The following ZC3H4 variants were observed in gnomAD, a reference collection of about 807,000 sequenced individuals.
ZC3H4 encodes the protein zinc finger CCCH-type containing 4, also known as zinc finger CCCH domain-containing protein 4.
A neutral mutation model predicts 108.3 loss-of-function variants in ZC3H4; 13 were observed. The ratio of observed to expected loss-of-function variants is 0.12; its 90% CI spans 0.08 to 0.19. The LOEUF is 0.19. Among genes scored for constraint, ZC3H4 ranks in the 10% least tolerant of loss-of-function variants. ZC3H4 has a pLI of 1.00. For missense variants in ZC3H4, 1,734 were observed against 1,838.8 expected, an observed-to-expected ratio of 0.94 and a Z score of 1.04; for synonymous variants, 917 against 749.6, an observed-to-expected ratio of 1.22 and a Z score of -3.65.
chr19:47,096,621 G>C (rs770472430), intron 2 of ZC3H4, among the ~76,000 whole-genome samples: 1 of 152,264 alleles, frequency 6.6e-6, no homozygotes, highest in Non-Finnish European at 1.5e-5. Context: ...GAGACGGACA[G>C]ACTGAGCGGG....
intron 13 of ZC3H4, among the ~76,000 whole-genome samples, chr19:47,070,999 C>T (rs973114763): frequency 6.6e-5 from 10 of 152,346 alleles, no homozygotes; most frequent in African/African-American, 2.4e-4. Flanking sequence ...ACAGCGCCCC[C>T]ACCCGCTGCC....
intron 11 of ZC3H4, among the ~76,000 whole-genome samples, chr19:47,079,354 A>G (rs1401364172): frequency 6.6e-6 from 1 of 151,876 alleles, no homozygotes; most frequent in Non-Finnish European, 1.5e-5. Context: ...AAAGAAAAAA[A>G]AAGTAATTTC....
At chr19:47,092,640 A>C (rs2057754081) in intron 4 of ZC3H4, among the ~76,000 whole-genome samples, 1 of 151,738 alleles carries the variant, frequency 6.6e-6, no homozygotes, top group African/African-American at 2.4e-5. Context: ...AACATCGTGA[A>C]ACCCTGTCTC....
Position 47,083,348 on chromosome 19 carries a change from G to A in ZC3H4, c.1218+997C>T, listed in dbSNP as rs1000916912. Among the ~76,000 whole-genome samples, 9 of 151,080 alleles carry A rather than the reference G, an allele frequency of 6.0e-5. No homozygotes were observed. In the East Asian group the frequency reaches 1.8e-3, roughly 30 times the overall value. On this transcript the variant is annotated intron_variant, in intron 9 of 14. Coordinates refer to ENST00000253048, the MANE Select transcript of ZC3H4 (RefSeq NM_015168.2). ...AGAGAGAGAGAGAGAGAGAGATGGG[G>A]TCTATGTTGCCCAGGGTGTATTCAT...
rs546926737 is a variant in ZC3H4, at chr19:47,064,603, C to A, written c.*1753G>T. The A allele has an allele frequency of 4.0e-5, 6 of 151,404 alleles. No homozygotes were observed. The highest frequency in any genetic ancestry group is 7.4e-5 in the Non-Finnish European group (5 of 67,898). The allele number at this position is 151,404 out of a possible 1,614,324, so 9.4% of individuals were successfully genotyped here. A position where few individuals can be genotyped will look rare whatever the true frequency, so the allele number is the denominator to read the frequency against. ...CTCAAAAGGAGAGGAAAAACAACAACAAAAACCACAACACTGCCACACTGT... is the reference window on the plus strand; with the variant it reads ...CTCAAAAGGAGAGGAAAAACAACAAAAAAAACCACAACACTGCCACACTGT... On this transcript the variant is annotated 3_prime_UTR_variant, in exon 15 of 15. Coordinates refer to ENST00000253048, the MANE Select transcript of ZC3H4 (RefSeq NM_015168.2).
At chr19:47,108,066 G>T (rs1568570407) in intron 2 of ZC3H4, among the ~76,000 whole-genome samples, 1 of 152,160 alleles carries the variant, frequency 6.6e-6, no homozygotes, top group Non-Finnish European at 1.5e-5. Flanking sequence ...TCGGAGAGGA[G>T]TCCCTCCACC....
Position 47,093,979 on chromosome 19 carries a change from T to C in ZC3H4, c.483A>G (p.Pro161=). 6.2e-7 allele frequency: 1 copy of C among 1,613,166 alleles called. No homozygotes were observed. Among genetic ancestry groups the C allele is most frequent in the South Asian group, 1.1e-5 (1 of 91,056 alleles). The change falls in exon 4 of 15, where the codon CCA becomes CCG. Residue 161 remains proline (P), a synonymous_variant. Coordinates refer to ENST00000253048, the MANE Select transcript of ZC3H4 (RefSeq NM_015168.2). The stretch of plus-strand genomic sequence containing the variant: ...CATGCCAGTCACTCACCGGCGCATA[T>C]GGGGGGCTGTACTCTCTGTACTTGC... The part of the protein sequence containing the change: ...GHRKYREYSP[P]YAPSHQQYPP...
rs201900826 is a variant in ZC3H4 at position 47,072,011 on chromosome 19, G to A, written c.1913C>T (p.Pro638Leu). Residue 638 changes from proline to leucine, a missense_variant, in exon 13 of 15, where the codon CCG (proline) becomes CTG (leucine). Coordinates refer to ENST00000253048, the MANE Select transcript of ZC3H4 (RefSeq NM_015168.2). The surrounding 1 kb of genome is among the most constrained non-coding windows in gnomAD (Gnocchi z 5.6). Reference sequence around the variant, plus strand: ...TGCGTGCATGTCAGGGTGCATGTCCGGGTGCATGTCGGGGTGCATGTCAGG... The same window carrying A: ...TGCGTGCATGTCAGGGTGCATGTCCAGGTGCATGTCGGGGTGCATGTCAGG... ...MHPDMHPDMH[P>L]DMHPDMHADM... 3.8e-5 allele frequency: 60 copies of A among 1,593,734 alleles called. No individual in the cohort carries two copies. Among genetic ancestry groups the A allele is most frequent in the Middle Eastern group, 1.7e-4 (1 of 6,052 alleles).
At chr19:47,085,264 C>T in intron 7 of ZC3H4, 54 bp downstream of exon 7, 1 of 1,562,256 alleles carries the variant, frequency 6.4e-7, no homozygotes, top group Non-Finnish European at 8.7e-7. Context: ...TAGATTCCAG[C>T]AGCTGCTGGA....
chr19:47,108,861 C>A (rs1163103149), intron 2 of ZC3H4, among the ~76,000 whole-genome samples: 1 of 151,904 alleles, frequency 6.6e-6, no homozygotes, highest in African/African-American at 2.4e-5. Flanking sequence ...GCATTTTTTT[C>A]TTTTAAAGAG....
intron 2 of ZC3H4, among the ~76,000 whole-genome samples, chr19:47,111,499 G>A (rs1022181319): frequency 6.6e-6 from 1 of 152,072 alleles, no homozygotes; most frequent in Non-Finnish European, 1.5e-5. Flanking sequence ...GAGAAAGCGC[G>A]GGACCAACTT....
At chr19:47,080,977 T>G (rs965703657) in intron 11 of ZC3H4, among the ~76,000 whole-genome samples, 1 of 152,132 alleles carries the variant, frequency 6.6e-6, no homozygotes. Context: ...TTTGCCATGT[T>G]GCCCTAAGTA....
At chr19:47,110,932 T>C in intron 2 of ZC3H4, 1 of 985,238 alleles carries the variant, frequency 1.0e-6, no homozygotes, top group Non-Finnish European at 1.2e-6. Context: ...GTGGGTGGCA[T>C]TTCTTTTAAA....
At chr19:47,069,839 C>G (rs930834352) in intron 13 of ZC3H4, among the ~76,000 whole-genome samples, 4 of 152,188 alleles carry the variant, frequency 2.6e-5, no homozygotes, top group Non-Finnish European at 5.9e-5. Context: ...TGAAACGGGT[C>G]AAGTGCTGCT....
chr19:47,084,042 C>T (rs1239745447), intron 9 of ZC3H4, among the ~76,000 whole-genome samples: 2 of 152,162 alleles, frequency 1.3e-5, no homozygotes, highest in African/African-American at 4.8e-5. Context: ...TATGCTGCTG[C>T]TTTGCATTCA....
intron 11 of ZC3H4, among the ~76,000 whole-genome samples, chr19:47,080,007 T>C (rs2057493225): frequency 6.6e-6 from 1 of 152,052 alleles, no homozygotes; most frequent in Non-Finnish European, 1.5e-5. Context: ...GCATGGGGCT[T>C]CCCCTGCACC....
At chr19:47,090,990 G>A (rs1376385552) in intron 4 of ZC3H4, among the ~76,000 whole-genome samples, 1 of 152,210 alleles carries the variant, frequency 6.6e-6, no homozygotes, top group Non-Finnish European at 1.5e-5. Context: ...CAGGGGGCTG[G>A]GCGCGGTGGC....
rs973711540 is a variant in ZC3H4 at position 47,065,153 on chromosome 19, G to C, written c.*1203C>G. The C allele has an allele frequency of 2.0e-5, 3 of 152,430 alleles. No individual in the cohort carries two copies. Among genetic ancestry groups the C allele is most frequent in the Non-Finnish European group, 2.9e-5 (2 of 68,092 alleles). The allele number at this position is 152,430 out of a possible 1,614,324, so 9.4% of individuals were successfully genotyped here. ...TGCAGATGAGGCTGGCCCTCAGCCA[G>C]GGTGGGAGCATGGGGGGAGCAGAGG... On this transcript the variant is annotated 3_prime_UTR_variant, in exon 15 of 15. Coordinates refer to ENST00000253048, the MANE Select transcript of ZC3H4 (RefSeq NM_015168.2).
rs564742638 is a variant in ZC3H4 at position 47,067,868 on chromosome 19, A to C, written c.2400T>G (p.Gly800=). 1.1e-5 allele frequency: 18 copies of C among 1,586,800 alleles called. No homozygotes were observed. The East Asian group carries it at 3.2e-4, about 28-fold the overall frequency. The part of the protein sequence containing the change: ...SSKQDRENEE[G]DTGNWYSSDE... ...CACTTGAGTACCAGTTTCCGGTGTCACCTGGGAAAGAACAGAGGAGCAGGG... is the reference window on the plus strand; with the variant it reads ...CACTTGAGTACCAGTTTCCGGTGTCCCCTGGGAAAGAACAGAGGAGCAGGG... Residue 800 remains glycine (G), a splice_region_variant and synonymous_variant, in exon 15 of 15, where the codon GGT becomes GGG. Coordinates refer to ENST00000253048, the MANE Select transcript of ZC3H4 (RefSeq NM_015168.2). The surrounding 1 kb of genome is among the most constrained non-coding windows in gnomAD (Gnocchi z 6.4).
Sources: allele counts gnomAD v4.1 joint callset (sites outside exome capture counted in the v4.1 genomes callset), GRCh38; gene constraint gnomAD v4.1.1; non-coding constraint Gnocchi (gnomAD v3.1); transcripts MANE v1.5; gene names NCBI Gene and HGNC (gene_info 2026-07-23, HGNC 2026-07-21).